Variants in ALG13 observed in about 807,000 individuals in gnomAD.
ALG13 encodes the protein ALG13 UDP-N-acetylglucosaminyltransferase subunit, also known as UDP-N-acetylglucosamine transferase subunit ALG13.
Under a neutral mutation model 87.8 loss-of-function variants are expected in ALG13, and 11 were observed. That is an observed-to-expected ratio of 0.13 (90% CI 0.08 to 0.21). The LOEUF (loss-of-function observed/expected upper bound fraction) is 0.21, where lower values mean the gene tolerates loss of function less well. Ranked by LOEUF, ALG13 falls within the 10% of genes least tolerant of loss-of-function variation. The pLI is 1.00. For synonymous variants in ALG13, 320 were observed against 306.3 expected, an observed-to-expected ratio of 1.04 and a Z score of -0.47; for missense variants, 756 against 866.1, an observed-to-expected ratio of 0.87 and a Z score of 1.60.
At chrX:111,711,401 G>A (rs1434052525) in intron 5 of ALG13, among the ~76,000 whole-genome samples, 5 of 112,098 alleles carry the variant, frequency 4.5e-5, no homozygotes. Flanking sequence ...ACTTAAATTG[G>A]CATTTCAAAT....
At chrX:111,713,183 C>T in intron 7 of ALG13, 42 bp from the exon 8 acceptor site, 1 of 950,422 alleles carries the variant, frequency 1.1e-6, no homozygotes, top group East Asian at 3.2e-5. Context: ...CTTACGTATG[C>T]CAAATTATGT....
chrX:111,731,657 C>T (rs942193482), intron 21 of ALG13, among the ~76,000 whole-genome samples: 6 of 112,037 alleles, frequency 5.4e-5, no homozygotes, highest in Admixed American at 9.5e-5. Flanking sequence ...AGTTCTGGCT[C>T]GTGATTTCTT....
intron 19 of ALG13, among the ~76,000 whole-genome samples, chrX:111,730,041 A>T (rs1942503241): frequency 1.8e-5 from 2 of 112,326 alleles, no homozygotes; most frequent in Admixed American, 1.9e-4. Flanking sequence ...GCCTAAAGTC[A>T]TGTAGTTAAT....
At chrX:111,716,545 A>G (rs779218949) in intron 8 of ALG13, among the ~76,000 whole-genome samples, 10 of 112,461 alleles carry the variant, frequency 8.9e-5, no homozygotes, top group African/African-American at 2.9e-4. Flanking sequence ...CACTGTTCTT[A>G]TGGGTTAATA....
chrX:111,708,217 T>C lies in ALG13; in HGVS notation c.574T>C (p.Phe192Leu). 1 of 1,211,476 alleles carries C rather than the reference T, an allele frequency of 8.3e-7. No individual in the cohort carries two copies. The highest frequency in any genetic ancestry group is 1.1e-6 in the Non-Finnish European group (1 of 895,345). The change falls in exon 4 of 27, where the codon TTT becomes CTT. Residue 192 changes from phenylalanine (F) to leucine (L), a missense_variant. By Grantham distance (22) the Phe-to-Leu change is conservative (BLOSUM62 0). This residue lies in a region of ALG13 where 153 missense variants were observed against 168.7 expected (regional missense o/e 0.91). Transcript: ENST00000394780. The stretch of plus-strand genomic sequence containing the variant: ...CCTGCTTTTTCCCTCTTGCCACGCT[T>C]TTTTTCCTCTCCCTCTTACCCCCAC... Reference protein sequence around the residue: ...CTLLFPSCHAFFPLPLTPTLY... With the variant: ...CTLLFPSCHALFPLPLTPTLY...
At chrX:111,700,917 T>TC (rs1225545641) in intron 3 of ALG13, among the ~76,000 whole-genome samples, 1 of 110,193 alleles carries the variant, frequency 9.1e-6, no homozygotes, top group Admixed American at 9.7e-5. Context: ...GTTTGTTTTT[T>TC]CATTATGAAG....
chrX:111,733,409 A>G (rs144255953), intron 21 of ALG13, among the ~76,000 whole-genome samples: 1,365 of 111,602 alleles, frequency 0.012, 10 homozygotes, highest in African/African-American at 0.034. Context: ...TTCCTGAGTT[A>G]CTTCACTTAG....
chrX:111,756,736 C>A (rs1945290483), intron 25 of ALG13, among the ~76,000 whole-genome samples: 1 of 112,116 alleles, frequency 8.9e-6, no homozygotes, highest in Non-Finnish European at 1.9e-5. Context: ...TTCCCTGACA[C>A]TGATTTCCCT....
chrX:111,700,883 GC>G (rs1171507751), intron 3 of ALG13, among the ~76,000 whole-genome samples: 1 of 108,320 alleles, frequency 9.2e-6, no homozygotes, highest in Non-Finnish European at 1.9e-5. Flanking sequence ...GAGCCACCGT[GC>G]CCGGCCAAGA....
At chrX:111,722,952 CT>C in intron 13 of ALG13, 95 bp downstream of exon 13, 1 of 603,012 alleles carries the variant, frequency 1.7e-6, no homozygotes, top group Non-Finnish European at 2.6e-6. Context: ...GTACTAGAAA[CT>C]TTTTATTTAT....
At chrX:111,731,693 T>G in intron 21 of ALG13, among the ~76,000 whole-genome samples, 1 of 112,526 alleles carries the variant, frequency 8.9e-6, no homozygotes, top group East Asian at 2.8e-4. Context: ...TTTATTCTGC[T>G]TCTGTTTGAT....
chrX:111,743,921 AACAAATTTGCGTGTTATGTCAT>A (rs1243542373), intron 23 of ALG13: 59 of 111,079 alleles, frequency 5.3e-4, no homozygotes, highest in Middle Eastern at 9.5e-3. Flanking sequence ...AAAAAAAATT[AACAAATTTGCGTGTTATGTCAT>A]ACATATATGC....
At chrX:111,759,691 A>G in intron 26 of ALG13, 43 bp from the exon 27 acceptor site, 17 of 1,123,729 alleles carry the variant, frequency 1.5e-5, no homozygotes, top group Non-Finnish European at 2.0e-5. Context: ...TGTTTTGGTG[A>G]ATTTTTGTAT....
At chrX:111,715,231 T>TA (rs1940396172) in intron 8 of ALG13, among the ~76,000 whole-genome samples, 1 of 112,111 alleles carries the variant, frequency 8.9e-6, no homozygotes, top group African/African-American at 3.2e-5. Context: ...TATACAGAGC[T>TA]AATACTTACC....
chrX:111,706,092 T>C (rs1008305578), intron 3 of ALG13, among the ~76,000 whole-genome samples: 3 of 111,397 alleles, frequency 2.7e-5, no homozygotes, highest in Non-Finnish European at 5.7e-5. Context: ...TCTCGCTCTG[T>C]TGCCCAGGCT....
chrX:111,750,619 A>G (rs1569523107), intron 24 of ALG13, among the ~76,000 whole-genome samples: 1 of 110,033 alleles, frequency 9.1e-6, no homozygotes, highest in East Asian at 2.8e-4. Flanking sequence ...TTTTTTTAGC[A>G]GTATTGTATT....
At chrX:111,730,156 T>G (rs1169825864) in intron 19 of ALG13, among the ~76,000 whole-genome samples, 2 of 112,254 alleles carry the variant, frequency 1.8e-5, no homozygotes, top group Non-Finnish European at 3.8e-5. Flanking sequence ...CACTTCTGCC[T>G]GACCTCTAAG....
intron 3 of ALG13, chrX:111,689,219 T>C (rs1452754573): frequency 1.3e-6 from 1 of 749,016 alleles, no homozygotes; most frequent in Non-Finnish European, 1.6e-6. Context: ...GGTTGAGAAT[T>C]CACAGCACCA....
chrX:111,710,703 T>C (rs1193020297), intron 5 of ALG13, among the ~76,000 whole-genome samples: 1 of 112,037 alleles, frequency 8.9e-6, no homozygotes, highest in Non-Finnish European at 1.9e-5. Flanking sequence ...GTATGTCATT[T>C]ATTTATTTTT....
Sources: allele counts gnomAD v4.1 joint callset (sites outside exome capture counted in the v4.1 genomes callset), GRCh38; gene constraint gnomAD v4.1.1; regional missense constraint gnomAD v4.1.1; transcripts MANE v1.5; gene names NCBI Gene and HGNC (gene_info 2026-07-23, HGNC 2026-07-21).